CD2AP: variants seen among roughly 807,000 people sequenced by gnomAD.
The protein encoded by CD2AP is CD2 associated protein.
A neutral mutation model predicts 85.1 loss-of-function variants in CD2AP; 46 were observed. That is an observed-to-expected ratio of 0.54 (90% CI 0.43 to 0.69). CD2AP has a LOEUF of 0.69. Among genes scored for constraint, CD2AP ranks in the 30% least tolerant of loss-of-function variants. CD2AP has a pLI of 0.00. For missense variants in CD2AP, 769 were observed against 729.5 expected (o/e 1.05, Z -0.62); for synonymous variants, 255 against 252.9 (o/e 1.01, Z -0.08).
At chr6:47,486,103 G>A (rs762207582) in intron 1 of CD2AP, among the ~76,000 whole-genome samples, 8 of 152,190 alleles carry the variant, frequency 5.3e-5, no homozygotes, top group African/African-American at 9.7e-5. Flanking sequence ...AAGCAAAGAA[G>A]CTGCTGGTGA....
At chr6:47,481,193 A>G (rs1003314956) in intron 1 of CD2AP, among the ~76,000 whole-genome samples, 26 of 152,346 alleles carry the variant, frequency 1.7e-4, no homozygotes, top group Admixed American at 3.3e-4. Flanking sequence ...AGCACAAAAA[A>G]GGAATATTTG....
intron 10 of CD2AP, 105 bp downstream of exon 10, chr6:47,581,005 G>A (rs1768463656): frequency 7.5e-6 from 6 of 805,118 alleles, no homozygotes; most frequent in South Asian, 3.0e-5. Flanking sequence ...CAAGTATGAT[G>A]TCTGTAAACA....
chr6:47,579,678 C>T, intron 9 of CD2AP, 189 bp downstream of exon 9: 2 of 563,956 alleles, frequency 3.5e-6, no homozygotes, highest in Non-Finnish European at 6.3e-6. Context: ...TTTATTCTTC[C>T]TTTGTTTCTT....
chr6:47,580,205 A>G (rs1050947691), intron 9 of CD2AP, among the ~76,000 whole-genome samples: 1 of 152,194 alleles, frequency 6.6e-6, no homozygotes, highest in Non-Finnish European at 1.5e-5. Context: ...TAGTTTTACT[A>G]AAGAATACGT....
chr6:47,508,449 T>C (rs1257991489), intron 2 of CD2AP, among the ~76,000 whole-genome samples: 2 of 152,172 alleles, frequency 1.3e-5, no homozygotes, highest in Non-Finnish European at 2.9e-5. Context: ...TTGAAGAGAA[T>C]TAGGGCCTTG....
At chr6:47,515,503 A>G (rs1766430706) in intron 2 of CD2AP, among the ~76,000 whole-genome samples, 1 of 152,214 alleles carries the variant, frequency 6.6e-6, no homozygotes. Flanking sequence ...GGCATAGGGA[A>G]TGTGTCATTC....
intron 2 of CD2AP, among the ~76,000 whole-genome samples, chr6:47,517,171 G>A (rs1322133429): frequency 1.3e-5 from 2 of 152,000 alleles, no homozygotes; most frequent in African/African-American, 4.8e-5. Context: ...TATGTGATGC[G>A]CCTGCTCCCC....
At chr6:47,495,944 C>T (rs1332733541) in intron 1 of CD2AP, among the ~76,000 whole-genome samples, 1 of 152,094 alleles carries the variant, frequency 6.6e-6, no homozygotes, top group African/African-American at 2.4e-5. Context: ...AATTTTAACT[C>T]CCAACTTTGT....
chr6:47,580,745 C>A (rs1768454916), intron 9 of CD2AP, 119 bp from the exon 10 acceptor site: 3 of 720,054 alleles, frequency 4.2e-6, no homozygotes, highest in South Asian at 1.8e-5. Context: ...TATATTTTGT[C>A]AAGGATTGAA....
At chr6:47,569,088 A>AC (rs1355841078) in intron 5 of CD2AP, among the ~76,000 whole-genome samples, 1 of 152,192 alleles carries the variant, frequency 6.6e-6, no homozygotes, top group Non-Finnish European at 1.5e-5. Context: ...TAAAGAAGAA[A>AC]GGAGGTTAGG....
At chr6:47,543,386 C>T (rs1027684739) in intron 3 of CD2AP, among the ~76,000 whole-genome samples, 1 of 151,982 alleles carries the variant, frequency 6.6e-6, no homozygotes, top group Non-Finnish European at 1.5e-5. Flanking sequence ...GATTGAGAAC[C>T]ACCTAGGGAT....
At chr6:47,575,190 G>A (rs1210184045) in intron 6 of CD2AP, among the ~76,000 whole-genome samples, 2 of 152,054 alleles carry the variant, frequency 1.3e-5, no homozygotes, top group Non-Finnish European at 2.9e-5. Context: ...GGGTCAAATT[G>A]ATTCTTGGTT....
At chr6:47,584,119 T>C (rs138820199) in intron 11 of CD2AP, among the ~76,000 whole-genome samples, 12 of 152,364 alleles carry the variant, frequency 7.9e-5, no homozygotes, top group African/African-American at 2.6e-4. Flanking sequence ...CTTCAGTTTC[T>C]TTCTTTGTAT....
Position 47,548,037 on chromosome 6 carries a change from A to G in CD2AP, c.420+3331A>G, listed in dbSNP as rs529190637. ...ATAGCAAAGGCAGTGCTAAGAGGAA[A>G]GTTAATAACCTAACTTTTAACTTAA... On this transcript the variant is annotated intron_variant, in intron 4 of 17. Transcript: ENST00000359314. Among the ~76,000 whole-genome samples the G allele has an allele frequency of 5.3e-5, 8 of 152,318 alleles. No homozygotes were observed. The South Asian group carries it at 1.7e-3, about 32-fold the overall frequency.
In CD2AP at chr6:47,478,168, GGAGCGGCCGCGC is replaced by G. The variant is rs945520303; in HGVS notation, c.-72_-61del. ...AGCGCGGGTCCCGCCTCCAGCCGCGGGAGCGGCCGCGCGAGCCACCACTGGAGGAGGAGGAGG... is the reference window on the plus strand; with the variant it reads ...AGCGCGGGTCCCGCCTCCAGCCGCGGGAGCCACCACTGGAGGAGGAGGAGG... On this transcript the variant is annotated 5_prime_UTR_variant, in exon 1 of 18. Coordinates refer to ENST00000359314, the MANE Select transcript of CD2AP (RefSeq NM_012120.3). 5.2e-6 allele frequency: 8 copies of G among 1,539,550 alleles called. No individual in the cohort carries two copies. The highest frequency in any genetic ancestry group is 2.8e-5 in the African/African-American group (2 of 72,650).
chr6:47,525,202 A>C (rs1176953721), intron 2 of CD2AP, among the ~76,000 whole-genome samples: 2 of 152,138 alleles, frequency 1.3e-5, no homozygotes, highest in Non-Finnish European at 2.9e-5. Context: ...AGTTGGCAGT[A>C]TATACCAGAT....
intron 2 of CD2AP, among the ~76,000 whole-genome samples, chr6:47,505,610 C>T (rs1314853652): frequency 1.5e-4 from 16 of 104,670 alleles, no homozygotes; most frequent in Admixed American, 4.6e-4. Flanking sequence ...GGCGGCTGGC[C>T]GGGCGGGGGG....
intron 2 of CD2AP, among the ~76,000 whole-genome samples, chr6:47,510,332 G>A (rs559284263): frequency 6.6e-6 from 1 of 152,288 alleles, no homozygotes; most frequent in Admixed American, 6.5e-5. Flanking sequence ...CTCAGTAGCC[G>A]TGAGTACATC....
chr6:47,619,274 C>G (rs942968829), intron 17 of CD2AP, among the ~76,000 whole-genome samples: 3 of 152,050 alleles, frequency 2.0e-5, no homozygotes, highest in African/African-American at 7.3e-5. Flanking sequence ...ATTCTTATGC[C>G]TTTGCTTCCT....
Sources: gnomAD v4.1 joint callset for allele counts (sites outside exome capture counted in the v4.1 genomes callset) on GRCh38, gnomAD v4.1.1 for gene constraint, MANE v1.5 for transcripts, NCBI Gene and HGNC (gene_info 2026-07-23, HGNC 2026-07-21) for gene names.